The following SLC18B1 variants were observed in gnomAD, a reference collection of about 807,000 sequenced individuals.
SLC18B1 encodes solute carrier family 18 member B1.
In SLC18B1, 62 loss-of-function variants were observed where a neutral mutation model predicts 53.9. The observed-to-expected ratio is 1.15, with a 90% confidence interval of 0.94 to 1.42. The LOEUF is 1.42. Ranked by LOEUF, SLC18B1 falls within the 40% of genes most tolerant of loss-of-function variation. SLC18B1 has a pLI of 0.00. For synonymous variants in SLC18B1, 217 were observed against 200.9 expected, an observed-to-expected ratio of 1.08 and a Z score of -0.68; for missense variants, 598 against 547.3, an observed-to-expected ratio of 1.09 and a Z score of -0.93.
At chr6:132,794,480 A>G (rs145130397) in intron 2 of SLC18B1, among the ~76,000 whole-genome samples, 1 of 152,128 alleles carries the variant, frequency 6.6e-6, no homozygotes, top group East Asian at 1.9e-4. Flanking sequence ...ACCTCTGATG[A>G]CTGCCCACTG....
At position 132,783,924 on chromosome 6, in the gene SLC18B1, TG is replaced by T; in HGVS notation, c.658+8del. ...AGGTTCTTAAAATGAGTAATAAGTG[TG>T]GACTTACCGTAATTGGGTAAAATAT... On this transcript the variant is annotated splice_region_variant and intron_variant, in intron 6 of 13. Transcript: ENST00000275227. The T allele has an allele frequency of 6.3e-7, 1 of 1,579,262 alleles. No individual in the cohort carries two copies. Among genetic ancestry groups the T allele is most frequent in the East Asian group, 2.3e-5 (1 of 43,368 alleles).
Position 132,770,207 on chromosome 6 carries a change from C to G in SLC18B1, c.*63G>C, listed in dbSNP as rs79809307. On this transcript the variant is annotated 3_prime_UTR_variant, in exon 14 of 14. Transcript: ENST00000275227. The stretch of plus-strand genomic sequence containing the variant: ...CGTAAAATTTTAAAAACCCTTCCTA[C>G]GGTGATGTTTAAGGCCAGGAGCATT... The G allele has an allele frequency of 2.2e-6, 3 of 1,385,830 alleles. No individual in the cohort carries two copies. The highest frequency in any genetic ancestry group is 2.0e-6 in the Non-Finnish European group (2 of 980,564). The allele number at this position is 1,385,830 out of a possible 1,614,324, so 85.8% of individuals were successfully genotyped here.
chr6:132,783,524 A>G lies in SLC18B1; in HGVS notation c.658+409T>C, dbSNP rs149861613. The stretch of plus-strand genomic sequence containing the variant: ...CTACTCAATGAGAACACCTGAATCT[A>G]CGTCCTTGTATCTGAGCTACGCTGT... On this transcript the variant is annotated intron_variant, in intron 6 of 13. Coordinates refer to ENST00000275227, the MANE Select transcript of SLC18B1 (RefSeq NM_052831.3). 2.6e-3 allele frequency among the ~76,000 whole-genome samples: 397 copies of G among 152,324 alleles called. 4 individuals are homozygous for G. Among genetic ancestry groups the G allele is most frequent in the African/African-American group, 9.1e-3 (379 of 41,576 alleles).
chr6:132,791,847 A>G (rs952710842), intron 2 of SLC18B1, among the ~76,000 whole-genome samples: 1 of 152,190 alleles, frequency 6.6e-6, no homozygotes, highest in African/African-American at 2.4e-5. Context: ...CTGTATGTCA[A>G]CTGGAACATG....
At position 132,774,264 on chromosome 6, in the gene SLC18B1, C is replaced by T. The variant is rs1218402348; in HGVS notation, c.947G>A (p.Cys316Tyr). The change falls in exon 9 of 14, where the codon TGC becomes TAC. Residue 316 changes from cysteine (C) to tyrosine (Y), a missense_variant. Cys to Tyr is a radical substitution (Grantham distance 194). Coordinates refer to ENST00000275227, the MANE Select transcript of SLC18B1 (RefSeq NM_052831.3). ...LVFGNLITAGCYMLLGPVPIL... is the reference protein window; with the variant it reads ...LVFGNLITAGYYMLLGPVPIL... ...TGGGACAGGCCCTAAGAGCATGTAG[C>T]ACCCGGCTGTGATTAAGTTGCCAAA... 1.2e-6 allele frequency: 2 copies of T among 1,613,442 alleles called. No homozygotes were observed.
chr6:132,782,559 CT>C (rs537226479), intron 6 of SLC18B1, among the ~76,000 whole-genome samples: 32 of 145,890 alleles, frequency 2.2e-4, no homozygotes, highest in Non-Finnish European at 2.1e-4. Context: ...ATTTTAGAAG[CT>C]TTTTTTTTTA....
chr6:132,780,360 C>T (rs1435012497), intron 6 of SLC18B1, among the ~76,000 whole-genome samples: 2 of 151,844 alleles, frequency 1.3e-5, no homozygotes, highest in African/African-American at 4.8e-5. Context: ...CAGCCTCCCA[C>T]TTATGGATGT....
rs929617477 is a variant in SLC18B1, at chr6:132,769,486, C to T, written c.*784G>A. On this transcript the variant is annotated 3_prime_UTR_variant, in exon 14 of 14. Transcript: ENST00000275227. ...ATTAGGGGAAGGAGGCTGACCTGCTCTAGGGATGAAATACATCTACCAAGA... is the reference window on the plus strand; with the variant it reads ...ATTAGGGGAAGGAGGCTGACCTGCTTTAGGGATGAAATACATCTACCAAGA... 2 of 150,128 alleles carry T rather than the reference C, an allele frequency of 1.3e-5. No individual in the cohort carries two copies. The highest frequency in any genetic ancestry group is 6.6e-5 in the Admixed American group (1 of 15,182). 9.3% of individuals were successfully genotyped at this position (150,128 alleles called of 1,614,324 possible).
rs1780993039 is a variant in SLC18B1, at chr6:132,772,164, T to A, written c.1128A>T (p.Val376=). 1.3e-6 allele frequency: 2 copies of A among 1,581,774 alleles called. No individual in the cohort carries two copies. Residue 376 remains valine, a synonymous_variant, in exon 11 of 14, where the codon GTA becomes GTT. Transcript: ENST00000275227. ...ACCACATTGCACTAAAAAGACCTGA[T>A]ACAAGTCCCAATGTACTTAATCCCT... The part of the protein sequence containing the change: ...FEEGLSTLGL[V]SGLFSAMWSI...
intron 5 of SLC18B1, among the ~76,000 whole-genome samples, chr6:132,787,223 G>A (rs1248724069): frequency 6.6e-6 from 1 of 152,032 alleles, no homozygotes; most frequent in Non-Finnish European, 1.5e-5. Flanking sequence ...GCCCATTCAG[G>A]GAATTCTAAA....
Position 132,787,583 on chromosome 6 carries a change from TAAAAAGG to T in SLC18B1, c.354-9_354-3del. 6.4e-7 allele frequency: 1 copy of T among 1,552,674 alleles called. No individual in the cohort carries two copies. Among genetic ancestry groups the T allele is most frequent in the Non-Finnish European group, 8.6e-7 (1 of 1,157,388 alleles). On this transcript the variant is annotated splice_polypyrimidine_tract_variant and splice_region_variant and intron_variant, in intron 4 of 13. Transcript: ENST00000275227. ...CCATCTGGAACTCGGTCCAATACACTAAAAAGGAATAAGACAATTCTGAAATGCCAAG... is the reference window on the plus strand; with the variant it reads ...CCATCTGGAACTCGGTCCAATACACTAATAAGACAATTCTGAAATGCCAAG...
chr6:132,793,162 A>C (rs1032433446), intron 2 of SLC18B1, among the ~76,000 whole-genome samples: 4 of 152,092 alleles, frequency 2.6e-5, no homozygotes, highest in African/African-American at 9.7e-5. Flanking sequence ...TGGTCCTCTG[A>C]CAAAAGATGA....
At chr6:132,775,202 T>A (rs1781069915) in intron 8 of SLC18B1, among the ~76,000 whole-genome samples, 1 of 152,190 alleles carries the variant, frequency 6.6e-6, no homozygotes, top group Non-Finnish European at 1.5e-5. Context: ...AAGATGACAA[T>A]CTGTGCGCCA....
intron 1 of SLC18B1, 39 bp downstream of exon 1, chr6:132,798,375 G>GTT: frequency 1.3e-6 from 2 of 1,503,682 alleles, no homozygotes. Context: ...GGAAGCCGCC[G>GTT]CTGGTCTCCG....
chr6:132,796,215 C>T (rs1376472391), intron 2 of SLC18B1, among the ~76,000 whole-genome samples: 7 of 151,052 alleles, frequency 4.6e-5, no homozygotes, highest in Non-Finnish European at 8.8e-5. Flanking sequence ...ATTAGCTGGG[C>T]GTAGTGGCGG....
Position 132,783,922 on chromosome 6 carries a change from T to C in SLC18B1, c.658+11A>G. The C allele has an allele frequency of 6.3e-7, 1 of 1,577,976 alleles. No homozygotes were observed. The highest frequency in any genetic ancestry group is 8.6e-7 in the Non-Finnish European group (1 of 1,165,348). On this transcript the variant is annotated intron_variant, in intron 6 of 13. Coordinates refer to ENST00000275227, the MANE Select transcript of SLC18B1 (RefSeq NM_052831.3). ...TAAGGTTCTTAAAATGAGTAATAAG[T>C]GTGGACTTACCGTAATTGGGTAAAA...
Position 132,770,326 on chromosome 6 carries a change from G to T in SLC18B1, c.1315C>A (p.Gln439Lys). 6.2e-7 allele frequency: 1 copy of T among 1,613,304 alleles called. No individual in the cohort carries two copies. The highest frequency in any genetic ancestry group is 1.1e-5 in the South Asian group (1 of 91,040). ...TCCTCCTCTGTGCTGAGGATGTTTT[G>T]AGATTTAGACCTACATTGAGGGAAA... ...EYSRRKRSKS[Q>K]NILSTEEERT... is the part of the protein sequence containing the mutation. Residue 439 changes from glutamine to lysine, a missense_variant, in exon 14 of 14, where the codon CAA becomes AAA. Coordinates refer to ENST00000275227, the MANE Select transcript of SLC18B1 (RefSeq NM_052831.3).
intron 8 of SLC18B1, 66 bp downstream of exon 8, chr6:132,776,262 G>T: frequency 8.0e-7 from 1 of 1,256,906 alleles, no homozygotes. Context: ...AGTTCCAAAG[G>T]AACAGTTGGA....
chr6:132,783,782 TA>T, intron 6 of SLC18B1, 150 bp downstream of exon 6: 1 of 570,470 alleles, frequency 1.8e-6, no homozygotes, highest in South Asian at 5.4e-5. Context: ...GAAATTCATA[TA>T]AACTAATTGC....
Sources: allele counts gnomAD v4.1 joint callset (sites outside exome capture counted in the v4.1 genomes callset), GRCh38; gene constraint gnomAD v4.1.1; transcripts MANE v1.5; gene names NCBI Gene and HGNC (gene_info 2026-07-23, HGNC 2026-07-21).